The following RIPK2 variants were observed in gnomAD, a reference collection of about 807,000 sequenced individuals.
The protein encoded by RIPK2 is receptor-interacting serine/threonine-protein kinase 2.
In RIPK2, 38 loss-of-function variants were observed where a neutral mutation model predicts 60.9. The observed-to-expected ratio is 0.62, with a 90% CI of 0.48 to 0.82. The LOEUF (loss-of-function observed/expected upper bound fraction) is 0.82. Among genes scored for constraint, RIPK2 ranks in the 40% least tolerant of loss-of-function variants. The pLI, the probability that RIPK2 is intolerant of heterozygous loss-of-function variation, is 0.00. For synonymous variants in RIPK2, 225 were observed against 223.4 expected (o/e 1.01, Z -0.06); for missense variants, 518 against 647.0 (o/e 0.80, Z 2.16).
At chr8:89,775,917 C>T (rs190563230) in intron 6 of RIPK2, among the ~76,000 whole-genome samples, 4 of 152,142 alleles carry the variant, frequency 2.6e-5, no homozygotes, top group East Asian at 1.9e-4. Context: ...AAGAAAAAGC[C>T]GAGGAAGAAA....
rs2130534796 is a variant in RIPK2 at position 89,757,930 on chromosome 8, T to C, written c.-131T>C. 1 of 1,404,496 alleles carries C rather than the reference T, an allele frequency of 7.1e-7. No homozygotes were observed. The highest frequency in any genetic ancestry group is 1.5e-5 in the South Asian group (1 of 64,870). 87.0% of individuals were successfully genotyped at this position (1,404,496 alleles called of 1,614,324 possible). On this transcript the variant is annotated 5_prime_UTR_variant, in exon 1 of 11. Transcript: ENST00000220751. ...GAATGGGCGCCCTCGTGACCTAGTG[T>C]TGCGGGGCAAAAAGGGTCTTGCCGG... is the stretch of plus-strand genomic sequence containing the variant.
intron 3 of RIPK2, among the ~76,000 whole-genome samples, chr8:89,766,766 CA>C (rs1809236686): frequency 6.6e-6 from 1 of 151,614 alleles, no homozygotes; most frequent in South Asian, 2.1e-4. Context: ...TGATATCGAA[CA>C]CCTTTTTATA....
Position 89,790,602 on chromosome 8 carries a change from G to T in RIPK2, c.*186G>T. On this transcript the variant is annotated 3_prime_UTR_variant, in exon 11 of 11. Coordinates refer to ENST00000220751, the MANE Select transcript of RIPK2 (RefSeq NM_003821.6). ...AATACAAGTAAAAAGTTTGAATTTT[G>T]CTACATAGTTCAATTTTTATGTCTC... 2.1e-6 allele frequency: 1 copy of T among 473,828 alleles called. No homozygotes were observed. Among genetic ancestry groups the T allele is most frequent in the Non-Finnish European group, 3.7e-6 (1 of 271,216 alleles). The allele number at this position is 473,828 out of a possible 1,614,324, so 29.4% of individuals were successfully genotyped here.
chr8:89,759,840 C>A (rs756799275), intron 1 of RIPK2, among the ~76,000 whole-genome samples: 4 of 152,180 alleles, frequency 2.6e-5, no homozygotes, highest in Non-Finnish European at 5.9e-5. Flanking sequence ...TTGATCCTCC[C>A]ACTTTGGGTG....
intron 4 of RIPK2, among the ~76,000 whole-genome samples, chr8:89,770,543 G>A (rs1480666170): frequency 6.6e-6 from 1 of 151,840 alleles, no homozygotes; most frequent in African/African-American, 2.4e-5. Context: ...AGGTTTAGGA[G>A]ATGGGGACAT....
intron 3 of RIPK2, among the ~76,000 whole-genome samples, chr8:89,766,543 G>A (rs1033193923): frequency 6.6e-5 from 10 of 151,694 alleles, no homozygotes; most frequent in Non-Finnish European, 1.2e-4. Context: ...ATATGTTACA[G>A]TAGTAGTTCT....
At chr8:89,779,301 G>T (rs1244847801) in intron 6 of RIPK2, among the ~76,000 whole-genome samples, 5,123 of 88,196 alleles carry the variant, frequency 0.058, 339 homozygotes, top group African/African-American at 0.23. Context: ...ATTTTTAGGC[G>T]GTTTTTGGGT....
intron 7 of RIPK2, among the ~76,000 whole-genome samples, chr8:89,783,040 A>T (rs1043184915): frequency 1.4e-4 from 22 of 152,212 alleles, no homozygotes; most frequent in African/African-American, 5.3e-4. Flanking sequence ...TGCTGTGTAT[A>T]ACGCCCTGTG....
chr8:89,780,206 A>C lies in RIPK2; in HGVS notation c.939+46A>C, dbSNP rs188864074. The C allele has an allele frequency of 5.6e-5, 53 of 942,116 alleles. 2 individuals carry two copies. The South Asian group carries it at 8.2e-4, about 15-fold the overall frequency. 58.4% of individuals were successfully genotyped at this position (942,116 alleles called of 1,614,324 possible). On this transcript the variant is annotated intron_variant, in intron 7 of 10. Coordinates refer to ENST00000220751, the MANE Select transcript of RIPK2 (RefSeq NM_003821.6). ...CTGGAAATTAGAAATTTAAACAACT[A>C]TATAATATTCATGGAGATTTTTAGT...
chr8:89,759,003 G>C (rs1173350944), intron 1 of RIPK2, among the ~76,000 whole-genome samples: 2 of 152,036 alleles, frequency 1.3e-5, no homozygotes, highest in African/African-American at 4.8e-5. Context: ...TTTTATTTTG[G>C]TTTTGGTTTA....
In RIPK2 at chr8:89,758,134, G is replaced by T; in HGVS notation, c.74G>T (p.Ser25Ile). 3 of 1,600,298 alleles carry T rather than the reference G, an allele frequency of 1.9e-6. No individual in the cohort carries two copies. The highest frequency in any genetic ancestry group is 2.6e-6 in the Non-Finnish European group (3 of 1,174,298). ...YHKLADLRYL[S>I]RGASGTVSSA... ...AAACTCGCCGACCTGCGCTACCTGA[G>T]CCGCGGCGCCTCTGGCACTGTGTCG... is the stretch of plus-strand genomic sequence containing the variant. Residue 25 changes from serine (S) to isoleucine (I), a missense_variant, in exon 1 of 11, where the codon AGC (serine) becomes ATC (isoleucine). Physicochemically the swap from Ser to Ile is moderately radical, Grantham distance 142 (BLOSUM62 -2). This residue lies in a region of RIPK2 where 448 missense variants were observed against 534.7 expected (regional missense o/e 0.84). Coordinates refer to ENST00000220751, the MANE Select transcript of RIPK2 (RefSeq NM_003821.6).
Position 89,779,310 on chromosome 8 carries a change from G to GTTTTTTTTTT in RIPK2, c.854-752_854-743dup, listed in dbSNP as rs55784154. On this transcript the variant is annotated intron_variant, in intron 6 of 10. Transcript: ENST00000220751. ...AGTCCAATTTTTAGGCGGTTTTTGG[G>GTTTTTTTTTT]TTTTTTTTTTTTTTTTTTTTTTGAG... Among the ~76,000 whole-genome samples, 136 of 79,086 alleles carry GTTTTTTTTTT rather than the reference G, an allele frequency of 1.7e-3. 1 individual carries two copies. Among genetic ancestry groups the GTTTTTTTTTT allele is most frequent in the Non-Finnish European group, 1.9e-3 (89 of 47,166 alleles). 51.9% of individuals were successfully genotyped at this position (79,086 alleles called of 152,430 possible). A position where few individuals can be genotyped will look rare whatever the true frequency, so the allele number is the denominator to read the frequency against.
Position 89,786,676 on chromosome 8 carries a change from T to C in RIPK2, c.1113T>C (p.Asp371=). Residue 371 remains aspartate (D), a synonymous_variant, in exon 9 of 11, where the codon GAT becomes GAC. Transcript: ENST00000220751. ...SRSLPAPQDN[D]FLSRKAQDCY... ...CCCTGCCAGCTCCTCAAGACAATGATTTTTTATCTAGTATGTAGATTTTCC... is the reference window on the plus strand; with the variant it reads ...CCCTGCCAGCTCCTCAAGACAATGACTTTTTATCTAGTATGTAGATTTTCC... 1 of 1,543,300 alleles carries C rather than the reference T, an allele frequency of 6.5e-7. No homozygotes were observed. Among genetic ancestry groups the C allele is most frequent in the Non-Finnish European group, 8.9e-7 (1 of 1,125,416 alleles).
chr8:89,779,310 G>T (rs1339350446), intron 6 of RIPK2, among the ~76,000 whole-genome samples: 6 of 79,114 alleles, frequency 7.6e-5, no homozygotes, highest in Non-Finnish European at 8.5e-5. Context: ...CGGTTTTTGG[G>T]TTTTTTTTTT....
chr8:89,783,944 C>T, intron 7 of RIPK2, 106 bp from the exon 8 acceptor site: 9 of 558,510 alleles, frequency 1.6e-5, no homozygotes, highest in Middle Eastern at 5.0e-4. Context: ...ATTTTCTTTC[C>T]ATGTATTTTG....
intron 7 of RIPK2, chr8:89,780,739 C>T (rs748826926): frequency 1.3e-5 from 2 of 151,968 alleles, no homozygotes; most frequent in Non-Finnish European, 2.9e-5. Context: ...TGAGATTCCT[C>T]GCCAAGTTTA....
chr8:89,774,912 A>G (rs1173819064), intron 6 of RIPK2, among the ~76,000 whole-genome samples: 1 of 152,204 alleles, frequency 6.6e-6, no homozygotes, highest in African/African-American at 2.4e-5. Context: ...ATAGTCGGAC[A>G]TGTTTAATCT....
chr8:89,788,454 G>C (rs1310476206), intron 9 of RIPK2, among the ~76,000 whole-genome samples: 1 of 152,038 alleles, frequency 6.6e-6, no homozygotes, highest in Non-Finnish European at 1.5e-5. Context: ...ACAAAGGGTT[G>C]ATGGCCAGAG....
At chr8:89,760,636 C>T (rs1477535161) in intron 1 of RIPK2, among the ~76,000 whole-genome samples, 5 of 152,134 alleles carry the variant, frequency 3.3e-5, no homozygotes, top group African/African-American at 4.8e-5. Context: ...AAATCTGACG[C>T]CAACCCTGCC....
Sources: gnomAD v4.1 joint callset for allele counts (sites outside exome capture counted in the v4.1 genomes callset) on GRCh38, gnomAD v4.1.1 for gene constraint, gnomAD v4.1.1 regional missense constraint, MANE v1.5 for transcripts, NCBI Gene and HGNC (gene_info 2026-07-23, HGNC 2026-07-21) for gene names.